DYNC1I1: variants seen among roughly 807,000 people sequenced by gnomAD.
The protein encoded by DYNC1I1 is dynein cytoplasmic 1 intermediate chain 1, also known as cytoplasmic dynein 1 intermediate chain 1.
DYNC1I1 carries 43 observed loss-of-function variants against 86.6 expected under a neutral mutation model. The ratio of observed to expected loss-of-function variants is 0.50; its 90% CI spans 0.39 to 0.64. DYNC1I1 has a LOEUF of 0.64. DYNC1I1 is among the 30% of genes least tolerant of loss of function. The pLI, the probability that DYNC1I1 is intolerant of heterozygous loss-of-function variation, is 0.00. For missense variants in DYNC1I1, 604 were observed against 788.8 expected (o/e 0.77, Z 2.81); for synonymous variants, 262 against 283.7 (o/e 0.92, Z 0.77).
chr7:96,069,740 T>C (rs1315900396), intron 14 of DYNC1I1, among the ~76,000 whole-genome samples: 1 of 152,224 alleles, frequency 6.6e-6, no homozygotes, highest in Non-Finnish European at 1.5e-5. Flanking sequence ...TATGGATAAT[T>C]AGCTTCTTTA....
At chr7:95,960,613 G>C (rs957658538) in intron 6 of DYNC1I1, among the ~76,000 whole-genome samples, 1 of 152,220 alleles carries the variant, frequency 6.6e-6, no homozygotes, top group Non-Finnish European at 1.5e-5. Flanking sequence ...AGAAGGAAAA[G>C]AGTGATAGAA....
At chr7:96,046,645 C>G (rs1789224823) in intron 14 of DYNC1I1, among the ~76,000 whole-genome samples, 1 of 152,186 alleles carries the variant, frequency 6.6e-6, no homozygotes, top group Non-Finnish European at 1.5e-5. Flanking sequence ...AGTTGTAAGT[C>G]TGGTTTGGTC....
intron 14 of DYNC1I1, among the ~76,000 whole-genome samples, chr7:96,053,380 T>A (rs1212086527): frequency 6.6e-6 from 1 of 152,190 alleles, no homozygotes; most frequent in Non-Finnish European, 1.5e-5. Flanking sequence ...TCTGCTAGCT[T>A]TATGTTTACT....
At chr7:95,972,433 T>A (rs967396326) in intron 6 of DYNC1I1, among the ~76,000 whole-genome samples, 9 of 152,146 alleles carry the variant, frequency 5.9e-5, no homozygotes, top group Non-Finnish European at 1.2e-4. Context: ...GCGACCAGTC[T>A]GACTCCCCAG....
chr7:95,937,953 C>T (rs1279562798), intron 6 of DYNC1I1, among the ~76,000 whole-genome samples: 1 of 151,906 alleles, frequency 6.6e-6, no homozygotes, highest in Non-Finnish European at 1.5e-5. Context: ...AATATATATA[C>T]ACTCACACAC....
intron 1 of DYNC1I1, among the ~76,000 whole-genome samples, chr7:95,781,973 C>T (rs1794005100): frequency 6.6e-6 from 1 of 152,146 alleles, no homozygotes. Flanking sequence ...AACTGCCAAC[C>T]TCAGTGGACC....
At chr7:95,992,961 G>C (rs1023781347) in intron 9 of DYNC1I1, among the ~76,000 whole-genome samples, 1 of 152,118 alleles carries the variant, frequency 6.6e-6, no homozygotes, top group Non-Finnish European at 1.5e-5. Context: ...GGGGTTGAGA[G>C]CATATCTGGT....
chr7:95,912,340 T>G, intron 6 of DYNC1I1, among the ~76,000 whole-genome samples: 1 of 152,178 alleles, frequency 6.6e-6, no homozygotes, highest in East Asian at 1.9e-4. Flanking sequence ...CCTGGCCCAC[T>G]TGAACATCTT....
At chr7:95,870,351 G>T (rs1790130004) in intron 6 of DYNC1I1, among the ~76,000 whole-genome samples, 2 of 150,164 alleles carry the variant, frequency 1.3e-5, no homozygotes, top group African/African-American at 4.9e-5. Flanking sequence ...CATACATTAA[G>T]ATTCATCATT....
chr7:95,999,057 A>T (rs1274804859), intron 10 of DYNC1I1, among the ~76,000 whole-genome samples: 1 of 152,186 alleles, frequency 6.6e-6, no homozygotes, highest in Non-Finnish European at 1.5e-5. Flanking sequence ...TTATTTCAAT[A>T]AAAGCTGTCT....
chr7:95,894,600 T>C (rs1293430972), intron 6 of DYNC1I1, among the ~76,000 whole-genome samples: 4 of 152,230 alleles, frequency 2.6e-5, no homozygotes, highest in Admixed American at 6.5e-5. Flanking sequence ...GCAAAAGTAA[T>C]CACAGTTTAA....
At chr7:96,058,990 C>T (rs1477324724) in intron 14 of DYNC1I1, among the ~76,000 whole-genome samples, 1 of 151,912 alleles carries the variant, frequency 6.6e-6, no homozygotes, top group Non-Finnish European at 1.5e-5. Context: ...AAAGTTGCCA[C>T]AAATGCCAAA....
chr7:95,777,765 A>C (rs1359961372), intron 1 of DYNC1I1, among the ~76,000 whole-genome samples: 1 of 152,144 alleles, frequency 6.6e-6, no homozygotes, highest in Non-Finnish European at 1.5e-5. Context: ...ATAGAGGACG[A>C]TTGTACTTGA....
At chr7:95,879,471 TGAA>T (rs940651118) in intron 6 of DYNC1I1, among the ~76,000 whole-genome samples, 2 of 151,986 alleles carry the variant, frequency 1.3e-5, no homozygotes, top group Admixed American at 6.6e-5. Flanking sequence ...AGTAGAGAAG[TGAA>T]GAAGAAGTAA....
chr7:95,812,941 A>T (rs1794861878), intron 3 of DYNC1I1, among the ~76,000 whole-genome samples: 1 of 152,166 alleles, frequency 6.6e-6, no homozygotes, highest in Non-Finnish European at 1.5e-5. Context: ...GAGATATTTG[A>T]CTTGAATTAT....
intron 6 of DYNC1I1, among the ~76,000 whole-genome samples, chr7:95,923,670 T>C (rs921598343): frequency 6.6e-6 from 1 of 152,126 alleles, no homozygotes; most frequent in African/African-American, 2.4e-5. Flanking sequence ...TTTGCAAAAG[T>C]TCTCTACACA....
intron 14 of DYNC1I1, among the ~76,000 whole-genome samples, chr7:96,063,591 G>C (rs899433003): frequency 2.0e-5 from 3 of 151,842 alleles, no homozygotes; most frequent in Admixed American, 2.0e-4. Flanking sequence ...GCTTCCCTTT[G>C]TACACGTTTG....
intron 6 of DYNC1I1, among the ~76,000 whole-genome samples, chr7:95,959,942 G>A (rs986749453): frequency 3.3e-5 from 5 of 152,136 alleles, no homozygotes; most frequent in Non-Finnish European, 5.9e-5. Flanking sequence ...CCTCCTTGGG[G>A]CAATTGCATG....
At chr7:96,066,024 G>C (rs187903565) in intron 14 of DYNC1I1, among the ~76,000 whole-genome samples, 1 of 152,276 alleles carries the variant, frequency 6.6e-6, no homozygotes. Flanking sequence ...GCTAATTGCA[G>C]CAAAAAGTTT....
Sources: allele counts gnomAD v4.1 joint callset (sites outside exome capture counted in the v4.1 genomes callset), GRCh38; gene constraint gnomAD v4.1.1; transcripts MANE v1.5; gene names NCBI Gene and HGNC (gene_info 2026-07-23, HGNC 2026-07-21).